GALNT14: variants seen among roughly 807,000 people sequenced by gnomAD.
GALNT14 encodes polypeptide N-acetylgalactosaminyltransferase 14.
GALNT14 carries 60 observed loss-of-function variants against 77.5 expected under a neutral mutation model. The ratio of observed to expected loss-of-function variants is 0.77; its 90% CI spans 0.63 to 0.96. The LOEUF (loss-of-function observed/expected upper bound fraction) is 0.96. GALNT14 is among the 40% of genes least tolerant of loss of function. The pLI, the probability that GALNT14 is intolerant of heterozygous loss-of-function variation, is 0.00. For synonymous variants in GALNT14, 280 were observed against 281.7 expected, an observed-to-expected ratio of 0.99 and a Z score of 0.06; for missense variants, 710 against 731.0, an observed-to-expected ratio of 0.97 and a Z score of 0.33.
At chr2:30,902,410 G>A in the GALNT14 span, among the ~76,000 whole-genome samples, 1 of 152,120 alleles carries the variant, frequency 6.6e-6, no homozygotes, top group East Asian at 1.9e-4. Context: ...CAGCTCACAT[G>A]AGAACCATCC....
intron 1 of GALNT14, among the ~76,000 whole-genome samples, chr2:31,027,925 T>C (rs567880821): frequency 3.3e-5 from 5 of 150,976 alleles, no homozygotes; most frequent in African/African-American, 1.2e-4. Context: ...TGTGCACGCA[T>C]GCATGCGCAC....
intron 9 of GALNT14, 30 bp downstream of exon 9, chr2:30,942,171 A>G: frequency 6.6e-7 from 1 of 1,511,886 alleles, no homozygotes; most frequent in Non-Finnish European, 9.2e-7. Context: ...ATAGAACAGC[A>G]TAGGTCAGGA....
chr2:31,131,414 G>A (rs1678989178), intron 1 of GALNT14, among the ~76,000 whole-genome samples: 1 of 152,164 alleles, frequency 6.6e-6, no homozygotes, highest in African/African-American at 2.4e-5. Flanking sequence ...AGGTCTCTGG[G>A]GTGGAATATT....
At chr2:30,990,793 G>C (rs1263121619) in intron 2 of GALNT14, among the ~76,000 whole-genome samples, 1 of 152,174 alleles carries the variant, frequency 6.6e-6, no homozygotes, top group Non-Finnish European at 1.5e-5. Flanking sequence ...CACAATCCCA[G>C]CTCCCACAGG....
chr2:30,944,834 C>T (rs1573009523), intron 8 of GALNT14, 24 bp downstream of exon 8: 6 of 1,567,388 alleles, frequency 3.8e-6, no homozygotes, highest in Non-Finnish European at 5.2e-6. Context: ...TCTGCCCACC[C>T]CTGCACAGAC....
chr2:31,098,267 T>C (rs944840020), intron 1 of GALNT14, among the ~76,000 whole-genome samples: 1 of 152,142 alleles, frequency 6.6e-6, no homozygotes, highest in Middle Eastern at 3.2e-3. Context: ...CACTGTGGGC[T>C]CTAAGGAGTT....
At chr2:31,020,512 T>G (rs1427493244) in intron 1 of GALNT14, among the ~76,000 whole-genome samples, 4 of 152,274 alleles carry the variant, frequency 2.6e-5, no homozygotes, top group Non-Finnish European at 5.9e-5. Flanking sequence ...AAATTCAAGA[T>G]GGCCTCCGGA....
intron 1 of GALNT14, among the ~76,000 whole-genome samples, chr2:31,012,611 C>T (rs1671100980): frequency 6.6e-6 from 1 of 152,076 alleles, no homozygotes; most frequent in Non-Finnish European, 1.5e-5. Context: ...CAGGCTCAGA[C>T]ATGGTGAAAA....
intron 1 of GALNT14, among the ~76,000 whole-genome samples, chr2:31,040,567 C>A (rs9308914): frequency 0.41 from 61,620 of 152,048 alleles, 12,612 homozygotes; most frequent in East Asian, 0.54. Flanking sequence ...AGCCTGAGTT[C>A]TCAAGCTCTC....
intron 13 of GALNT14, among the ~76,000 whole-genome samples, chr2:30,916,636 G>T (rs944945683): frequency 1.4e-5 from 2 of 139,136 alleles, no homozygotes; most frequent in African/African-American, 5.8e-5. Context: ...AGCAGGGAGG[G>T]GACAGGCAGG....
chr2:30,966,206 G>T lies in GALNT14; in HGVS notation c.396C>A (p.Arg132=). ...EARSTLLRTI[R]SVLNRTPTHL... ...ACAGACAAGCAAGGATGCCTCACCT[G>T]CGGATGGTCCTGAGCAGCGTGGAGC... is the stretch of plus-strand genomic sequence containing the variant. Residue 132 remains arginine (R), a splice_region_variant and synonymous_variant, in exon 3 of 15, where the codon CGC becomes CGA. Coordinates refer to ENST00000349752, the MANE Select transcript of GALNT14 (RefSeq NM_024572.4). 6.2e-7 allele frequency: 1 copy of T among 1,613,630 alleles called. No homozygotes were observed. The highest frequency in any genetic ancestry group is 8.5e-7 in the Non-Finnish European group (1 of 1,179,558).
chr2:30,891,324 T>C, the GALNT14 span, among the ~76,000 whole-genome samples: 1 of 152,124 alleles, frequency 6.6e-6, no homozygotes, highest in Non-Finnish European at 1.5e-5. Context: ...GCTAGCCAGG[T>C]GATGTCTGAA....
At chr2:31,078,492 C>T (rs1268408868) in intron 1 of GALNT14, among the ~76,000 whole-genome samples, 1 of 152,168 alleles carries the variant, frequency 6.6e-6, no homozygotes, top group African/African-American at 2.4e-5. Context: ...AACTAAGTGG[C>T]TTATAGAATA....
chr2:30,927,497 G>T (rs997239241), intron 11 of GALNT14, among the ~76,000 whole-genome samples: 1 of 152,220 alleles, frequency 6.6e-6, no homozygotes, highest in Non-Finnish European at 1.5e-5. Context: ...CAGGCAGTGG[G>T]AACTCGATAA....
intron 1 of GALNT14, among the ~76,000 whole-genome samples, chr2:31,100,758 C>T (rs1450491780): frequency 1.3e-5 from 2 of 151,880 alleles, no homozygotes; most frequent in South Asian, 2.1e-4. Context: ...GGTAGAGTTA[C>T]GTCCTGATAA....
At chr2:31,073,912 G>A (rs537532240) in intron 1 of GALNT14, among the ~76,000 whole-genome samples, 3 of 152,172 alleles carry the variant, frequency 2.0e-5, no homozygotes, top group Admixed American at 6.5e-5. Flanking sequence ...GGAACAGAAC[G>A]CTCTCCTTCC....
intron 1 of GALNT14, among the ~76,000 whole-genome samples, chr2:31,044,424 C>T (rs1014039508): frequency 7.9e-5 from 12 of 152,274 alleles, no homozygotes; most frequent in African/African-American, 2.6e-4. Context: ...ACCATCTTCA[C>T]GGGGACATTG....
intron 1 of GALNT14, among the ~76,000 whole-genome samples, chr2:31,094,832 T>A (rs770009936): frequency 6.6e-6 from 1 of 152,240 alleles, no homozygotes; most frequent in East Asian, 1.9e-4. Context: ...TCTGGACCCA[T>A]TGCTGCCCCA....
At chr2:31,127,534 C>A (rs775520867) in intron 1 of GALNT14, among the ~76,000 whole-genome samples, 13 of 152,278 alleles carry the variant, frequency 8.5e-5, no homozygotes, top group Admixed American at 3.9e-4. Context: ...GACCATATAA[C>A]CTAAAAACAA....
Sources: allele counts gnomAD v4.1 joint callset (sites outside exome capture counted in the v4.1 genomes callset), GRCh38; gene constraint gnomAD v4.1.1; transcripts MANE v1.5; gene names NCBI Gene and HGNC (gene_info 2026-07-23, HGNC 2026-07-21).